Variants in SFMBT1 observed in about 807,000 individuals in gnomAD.
SFMBT1 encodes Scm like with four mbt domains 1.
Under a neutral mutation model 108.7 loss-of-function variants are expected in SFMBT1, and 32 were observed. The observed-to-expected ratio is 0.29, with a 90% CI of 0.22 to 0.40. The LOEUF (loss-of-function observed/expected upper bound fraction) is 0.40, where lower values mean the gene tolerates loss of function less well. SFMBT1 is among the 10% of genes least tolerant of loss of function. SFMBT1 has a pLI of 1.00. For synonymous variants in SFMBT1, 348 were observed against 369.5 expected, an observed-to-expected ratio of 0.94 and a Z score of 0.67; for missense variants, 816 against 1,059.6, an observed-to-expected ratio of 0.77 and a Z score of 3.19.
chr3:53,038,063 C>T (rs140846931), intron 1 of SFMBT1, among the ~76,000 whole-genome samples: 1 of 152,008 alleles, frequency 6.6e-6, no homozygotes, highest in East Asian at 1.9e-4. Context: ...AAGATTGCAC[C>T]GCTGCACTCC....
intron 1 of SFMBT1, among the ~76,000 whole-genome samples, chr3:53,007,538 GA>G (rs879846783): frequency 1.3e-5 from 2 of 152,158 alleles, no homozygotes; most frequent in Admixed American, 1.3e-4. Context: ...AATGCTCCAA[GA>G]ATAATGGAGA....
At chr3:53,031,013 T>C (rs903855150) in intron 1 of SFMBT1, among the ~76,000 whole-genome samples, 2 of 152,186 alleles carry the variant, frequency 1.3e-5, no homozygotes, top group Admixed American at 6.5e-5. Flanking sequence ...CCAAGCATGA[T>C]GCGGGGCAGG....
At chr3:52,916,550 T>C (rs1431613466) in intron 13 of SFMBT1, among the ~76,000 whole-genome samples, 2 of 151,610 alleles carry the variant, frequency 1.3e-5, no homozygotes, top group African/African-American at 4.8e-5. Flanking sequence ...GCACCTGTAG[T>C]CCCAGCTACT....
intron 1 of SFMBT1, among the ~76,000 whole-genome samples, chr3:53,037,021 G>C (rs1385206501): frequency 6.6e-6 from 1 of 152,212 alleles, no homozygotes; most frequent in Non-Finnish European, 1.5e-5. Flanking sequence ...GGAATCCTCT[G>C]AAGGAGGCTG....
intron 1 of SFMBT1, among the ~76,000 whole-genome samples, chr3:52,990,047 T>A (rs1705068801): frequency 6.6e-6 from 1 of 152,212 alleles, no homozygotes; most frequent in Non-Finnish European, 1.5e-5. Flanking sequence ...CAAAGGCTAG[T>A]TGTCTTTTAG....
chr3:52,972,891 G>A (rs567976373), intron 1 of SFMBT1, among the ~76,000 whole-genome samples: 12 of 151,408 alleles, frequency 7.9e-5, no homozygotes, highest in South Asian at 4.2e-4. Context: ...GAGTGTGGTC[G>A]CGGGCACCTG....
Position 52,932,281 on chromosome 3 carries a change from G to C in SFMBT1, c.481C>G (p.Leu161Val). 1.2e-6 allele frequency: 2 copies of C among 1,614,090 alleles called. No homozygotes were observed. Among genetic ancestry groups the C allele is most frequent in the East Asian group, 2.2e-5 (1 of 44,878 alleles). Residue 161 changes from leucine (L) to valine (V), a missense_variant, in exon 6 of 21, where the codon CTC becomes GTC. Physicochemically the swap from Leu to Val is conservative, Grantham distance 32 (BLOSUM62 1). Coordinates refer to ENST00000394752, the MANE Select transcript of SFMBT1 (RefSeq NM_016329.4). ...TCTAGTCTGGATCCTGGAGCAATGA[G>C]ATCTAAAGGATTCCTCCCATTACGG... Reference protein sequence around the residue: ...GLRNGRNPLDLIAPGSRLECQ... With the variant: ...GLRNGRNPLDVIAPGSRLECQ...
At chr3:53,026,599 C>G (rs949982733) in intron 1 of SFMBT1, among the ~76,000 whole-genome samples, 3 of 152,180 alleles carry the variant, frequency 2.0e-5, no homozygotes, top group Non-Finnish European at 4.4e-5. Context: ...ACCCTCCCTC[C>G]CTGTGCCCCC....
chr3:52,940,774 A>C (rs1202560991), intron 4 of SFMBT1, among the ~76,000 whole-genome samples: 1 of 152,218 alleles, frequency 6.6e-6, no homozygotes, highest in African/African-American at 2.4e-5. Context: ...CTAACTAAAA[A>C]GCAAAAAATA....
At chr3:52,976,435 GA>G (rs1450819000) in intron 1 of SFMBT1, among the ~76,000 whole-genome samples, 3 of 151,268 alleles carry the variant, frequency 2.0e-5, no homozygotes, top group Admixed American at 6.6e-5. Flanking sequence ...ATTTTGGGAG[GA>G]AAAAAAATTA....
At chr3:53,026,773 G>A (rs1024923912) in intron 1 of SFMBT1, among the ~76,000 whole-genome samples, 3 of 152,144 alleles carry the variant, frequency 2.0e-5, no homozygotes, top group African/African-American at 7.2e-5. Context: ...AGGAGGCAGC[G>A]CTAAAGATAA....
intron 11 of SFMBT1, among the ~76,000 whole-genome samples, chr3:52,921,220 A>G (rs1056006223): frequency 6.6e-6 from 1 of 152,246 alleles, no homozygotes. Flanking sequence ...AGGATAAAAA[A>G]GCTGCTCAGG....
At chr3:52,944,962 C>T (rs1703308659) in intron 3 of SFMBT1, among the ~76,000 whole-genome samples, 1 of 151,516 alleles carries the variant, frequency 6.6e-6, no homozygotes, top group Non-Finnish European at 1.5e-5. Context: ...CGCCACCATG[C>T]CTTGTTAATT....
Position 52,907,595 on chromosome 3 carries a change from G to A in SFMBT1, c.2045C>T (p.Ser682Phe). Residue 682 changes from serine to phenylalanine, a missense_variant, in exon 18 of 21, where the codon TCC becomes TTC. By Grantham distance (155) the Ser-to-Phe change is radical. Coordinates refer to ENST00000394752, the MANE Select transcript of SFMBT1 (RefSeq NM_016329.4). ...TGGGGTATTATCAACAGATGCAGAGGAGCGTTTCTTCTTATGAACAAAAAC... is the reference window on the plus strand; with the variant it reads ...TGGGGTATTATCAACAGATGCAGAGAAGCGTTTCTTCTTATGAACAAAAAC... ...KNVFVHKKKR[S>F]SASVDNTPAG... 6.2e-7 allele frequency: 1 copy of A among 1,614,044 alleles called. No homozygotes were observed. The highest frequency in any genetic ancestry group is 8.5e-7 in the Non-Finnish European group (1 of 1,180,012).
At chr3:53,026,621 C>T (rs2255107) in intron 1 of SFMBT1, among the ~76,000 whole-genome samples, 110,585 of 152,056 alleles carry the variant, frequency 0.73, 40,495 homozygotes, top group South Asian at 0.86. Context: ...CAGCTGCTCA[C>T]TGCAGTTACA....
At chr3:52,972,120 T>C (rs1704367863) in intron 1 of SFMBT1, among the ~76,000 whole-genome samples, 1 of 152,226 alleles carries the variant, frequency 6.6e-6, no homozygotes, top group African/African-American at 2.4e-5. Flanking sequence ...TAAATATCTG[T>C]TGGGTCACTA....
chr3:52,917,622 G>A (rs548510997), intron 13 of SFMBT1, among the ~76,000 whole-genome samples: 10 of 152,178 alleles, frequency 6.6e-5, no homozygotes, highest in Non-Finnish European at 1.5e-4. Context: ...TAGGAATGGG[G>A]CCGCACAGCA....
At chr3:52,935,645 TAAC>T (rs200440070) in intron 4 of SFMBT1, among the ~76,000 whole-genome samples, 58 of 152,202 alleles carry the variant, frequency 3.8e-4, no homozygotes, top group East Asian at 2.5e-3. Flanking sequence ...AAAACCACAA[TAAC>T]AACATCATAC....
intron 1 of SFMBT1, among the ~76,000 whole-genome samples, chr3:52,999,311 C>T (rs1459780067): frequency 6.7e-6 from 1 of 150,294 alleles, no homozygotes. Context: ...CCGTGGACAC[C>T]GGCCTGAAGG....
Sources: allele counts gnomAD v4.1 joint callset (sites outside exome capture counted in the v4.1 genomes callset), GRCh38; gene constraint gnomAD v4.1.1; transcripts MANE v1.5; gene names NCBI Gene and HGNC (gene_info 2026-07-23, HGNC 2026-07-21).